TNKS: variants seen among roughly 807,000 people sequenced by gnomAD.
TNKS encodes poly [ADP-ribose] polymerase tankyrase-1.
A neutral mutation model predicts 135.8 loss-of-function variants in TNKS; 72 were observed. The observed-to-expected ratio is 0.53, with a 90% CI of 0.44 to 0.64. The LOEUF (loss-of-function observed/expected upper bound fraction) is 0.64. Ranked by LOEUF, TNKS falls within the 30% of genes least tolerant of loss-of-function variation. TNKS has a pLI of 0.00. For missense variants in TNKS, 1,769 were observed against 1,674.0 expected, an observed-to-expected ratio of 1.06 and a Z score of -0.99; for synonymous variants, 849 against 649.3, an observed-to-expected ratio of 1.31 and a Z score of -4.68.
intron 2 of TNKS, among the ~76,000 whole-genome samples, chr8:9,585,079 C>G (rs983326516): frequency 2.6e-5 from 4 of 152,010 alleles, no homozygotes; most frequent in Non-Finnish European, 4.4e-5. Context: ...AAAAAAATAT[C>G]TCCCAGAGAA....
intron 3 of TNKS, among the ~76,000 whole-genome samples, chr8:9,624,762 G>T (rs1585245513): frequency 6.6e-6 from 1 of 152,178 alleles, no homozygotes; most frequent in African/African-American, 2.4e-5. Flanking sequence ...GTCCTCAGGG[G>T]TACTGGTTCC....
chr8:9,706,746 C>A, intron 7 of TNKS, 65 bp from the exon 8 acceptor site: 1 of 1,456,366 alleles, frequency 6.9e-7, no homozygotes, highest in Non-Finnish European at 9.3e-7. Context: ...AAATAAATGT[C>A]TTTTGAGTTT....
intron 2 of TNKS, among the ~76,000 whole-genome samples, chr8:9,614,456 A>G (rs1799567127): frequency 6.6e-6 from 1 of 152,222 alleles, no homozygotes. Flanking sequence ...AGTTCTGGAT[A>G]AGGCTGTTGT....
At chr8:9,760,025 T>TAAG (rs1807063601) in intron 20 of TNKS, among the ~76,000 whole-genome samples, 1 of 151,792 alleles carries the variant, frequency 6.6e-6, no homozygotes, top group Admixed American at 6.6e-5. Flanking sequence ...GAGAATTCTC[T>TAAG]AAGTTGAAGT....
At chr8:9,661,745 A>G (rs1276085837) in intron 3 of TNKS, among the ~76,000 whole-genome samples, 8 of 152,250 alleles carry the variant, frequency 5.3e-5, no homozygotes, top group Non-Finnish European at 8.8e-5. Context: ...GGATCTAATT[A>G]AACTCAAGAG....
intron 25 of TNKS, among the ~76,000 whole-genome samples, chr8:9,769,105 T>C (rs1807641329): frequency 6.6e-6 from 1 of 152,212 alleles, no homozygotes; most frequent in Non-Finnish European, 1.5e-5. Context: ...ATAATAATTA[T>C]TTTAGGTTTT....
chr8:9,749,956 C>G (rs910099240), intron 18 of TNKS, among the ~76,000 whole-genome samples: 21 of 152,180 alleles, frequency 1.4e-4, no homozygotes, highest in Non-Finnish European at 4.4e-5. Flanking sequence ...TAGTACAACT[C>G]TTCCTTTGTA....
At chr8:9,740,199 C>G (rs1428999425) in intron 17 of TNKS, among the ~76,000 whole-genome samples, 2 of 152,096 alleles carry the variant, frequency 1.3e-5, no homozygotes, top group Non-Finnish European at 2.9e-5. Context: ...AAGGCCCACT[C>G]AAGCCTGGCT....
Position 9,720,395 on chromosome 8 carries a change from G to A in TNKS, c.1771G>A (p.Gly591Ser). The part of the protein sequence containing the change: ...GAKMNALDTL[G>S]QTALHRAALA... ...TCAGATGAATGCACTGGACACCCTT[G>A]GTCAGACTGCTTTGCATAGAGCCGC... The change falls in exon 12 of 27, where the codon GGT becomes AGT. Residue 591 changes from glycine (G) to serine (S), a missense_variant. Physicochemically the swap from Gly to Ser is moderately conservative, Grantham distance 56 (BLOSUM62 0). This residue lies in a region of TNKS where 523 missense variants were observed against 541.0 expected (regional missense o/e 0.97). Transcript: ENST00000310430. 6.2e-7 allele frequency: 1 copy of A among 1,612,494 alleles called. No homozygotes were observed.
chr8:9,693,271 A>G (rs1295879605), intron 5 of TNKS, among the ~76,000 whole-genome samples: 1 of 152,180 alleles, frequency 6.6e-6, no homozygotes, highest in Non-Finnish European at 1.5e-5. Flanking sequence ...GATATGTACT[A>G]ATATTAAGAG....
intron 1 of TNKS, among the ~76,000 whole-genome samples, chr8:9,571,357 A>G (rs367713672): frequency 6.6e-6 from 1 of 152,222 alleles, no homozygotes; most frequent in African/African-American, 2.4e-5. Flanking sequence ...TCACACTGAC[A>G]TACATAAAGT....
chr8:9,726,806 A>T, intron 13 of TNKS, 86 bp downstream of exon 13: 1 of 1,049,650 alleles, frequency 9.5e-7, no homozygotes, highest in Non-Finnish European at 1.4e-6. Flanking sequence ...TATCTACTCA[A>T]ATACAAACAG....
At chr8:9,665,439 G>A (rs969005863) in intron 3 of TNKS, among the ~76,000 whole-genome samples, 15 of 152,106 alleles carry the variant, frequency 9.9e-5, no homozygotes, top group East Asian at 7.7e-4. Flanking sequence ...TTTTTTATTC[G>A]TATTTCCACT....
At chr8:9,690,652 G>A (rs906614587) in intron 5 of TNKS, among the ~76,000 whole-genome samples, 2 of 152,010 alleles carry the variant, frequency 1.3e-5, no homozygotes, top group African/African-American at 4.8e-5. Context: ...CTACACGGGA[G>A]GCTGAGGCAG....
chr8:9,577,760 T>C (rs1486768180), intron 1 of TNKS, among the ~76,000 whole-genome samples: 1 of 152,170 alleles, frequency 6.6e-6, no homozygotes, highest in Non-Finnish European at 1.5e-5. Flanking sequence ...CCAAATCTCA[T>C]ATCCTTCTCA....
intron 1 of TNKS, among the ~76,000 whole-genome samples, chr8:9,560,962 C>A (rs1029171088): frequency 6.6e-6 from 1 of 151,998 alleles, no homozygotes; most frequent in African/African-American, 2.4e-5. Context: ...ATTTAAAGAA[C>A]AAATTAGCCA....
chr8:9,580,206 A>C lies in TNKS; in HGVS notation c.721A>C (p.Asn241His), dbSNP rs200260123. 6.2e-7 allele frequency: 1 copy of C among 1,614,152 alleles called. No homozygotes were observed. The highest frequency in any genetic ancestry group is 8.5e-7 in the Non-Finnish European group (1 of 1,180,020). ...AGAACACTTACTACAGATGGGTGCT[A>C]ATGTCCACGCTCGTGATGATGGAGG... ...VVEHLLQMGA[N>H]VHARDDGGLI... The change falls in exon 2 of 27, where the codon AAT (asparagine) becomes CAT (histidine). Residue 241 changes from asparagine (N) to histidine (H), a missense_variant. Asn to His is a moderately conservative substitution (Grantham distance 68, BLOSUM62 1). This residue lies in a region of TNKS where 523 missense variants were observed against 541.0 expected (regional missense o/e 0.97). Coordinates refer to ENST00000310430, the MANE Select transcript of TNKS (RefSeq NM_003747.3).
At chr8:9,631,985 C>T (rs1345694822) in intron 3 of TNKS, among the ~76,000 whole-genome samples, 2 of 152,048 alleles carry the variant, frequency 1.3e-5, no homozygotes, top group African/African-American at 2.4e-5. Flanking sequence ...TTCATTAAAA[C>T]CTTTGACAAA....
chr8:9,602,315 G>T (rs1021702501), intron 2 of TNKS, among the ~76,000 whole-genome samples: 1 of 152,150 alleles, frequency 6.6e-6, no homozygotes, highest in Non-Finnish European at 1.5e-5. Flanking sequence ...TCTACGTATC[G>T]CAGGATGACA....
Sources: allele counts gnomAD v4.1 joint callset (sites outside exome capture counted in the v4.1 genomes callset), GRCh38; gene constraint gnomAD v4.1.1; regional missense constraint gnomAD v4.1.1; transcripts MANE v1.5; gene names NCBI Gene and HGNC (gene_info 2026-07-23, HGNC 2026-07-21).